TRMT1: variants seen among roughly 807,000 people sequenced by gnomAD.
TRMT1 encodes tRNA (guanine(26)-N(2))-dimethyltransferase.
Under a neutral mutation model 75.4 loss-of-function variants are expected in TRMT1, and 63 were observed. The observed-to-expected ratio is 0.84, with a 90% CI of 0.68 to 1.03. The LOEUF (loss-of-function observed/expected upper bound fraction) is 1.03, where lower values mean the gene tolerates loss of function less well. Ranked by LOEUF, TRMT1 falls within the 50% of genes least tolerant of loss-of-function variation. The pLI is 0.00. For synonymous variants in TRMT1, 382 were observed against 358.1 expected, an observed-to-expected ratio of 1.07 and a Z score of -0.75; for missense variants, 870 against 905.3, an observed-to-expected ratio of 0.96 and a Z score of 0.50.
intron 16 of TRMT1, 72 bp from the exon 17 acceptor site, chr19:13,105,153 TG>T: frequency 6.5e-7 from 1 of 1,547,676 alleles, no homozygotes; most frequent in Non-Finnish European, 8.7e-7. Context: ...TTTCCTGGGA[TG>T]GGAAGCCCAC....
chr19:13,116,513 G>T, intron 1 of TRMT1, 82 bp from the exon 2 acceptor site: 1 of 1,411,272 alleles, frequency 7.1e-7, no homozygotes, highest in Non-Finnish European at 9.4e-7. Context: ...TATCTATGAG[G>T]TAGGGACTAG....
Position 13,115,736 on chromosome 19 carries a change from C to G in TRMT1, c.343G>C (p.Val115Leu). 6.2e-7 allele frequency: 1 copy of G among 1,614,138 alleles called. No homozygotes were observed. Among genetic ancestry groups the G allele is most frequent in the Non-Finnish European group, 8.5e-7 (1 of 1,180,032 alleles). The stretch of plus-strand genomic sequence containing the variant: ...TCTTGCTCTGACAAGTCCACGACCA[C>G]TTTTTGCGTGTCCTTCTCTCCTGGA... ...KVPGEKDTQKVVVDLSEQEEE... is the reference protein window; with the variant it reads ...KVPGEKDTQKLVVDLSEQEEE... The change falls in exon 4 of 17, where the codon GTG becomes CTG. Residue 115 changes from valine to leucine, a missense_variant. Coordinates refer to ENST00000357720, the MANE Select transcript of TRMT1 (RefSeq NM_001136035.4).
At chr19:13,108,981 A>T (rs926192389) in intron 12 of TRMT1, among the ~76,000 whole-genome samples, 6 of 141,894 alleles carry the variant, frequency 4.2e-5, no homozygotes, top group African/African-American at 1.6e-4. Flanking sequence ...GAGTGGCATG[A>T]TCATAGCTCA....
At chr19:13,107,895 A>T (rs900017161) in intron 12 of TRMT1, 36 bp from the exon 13 acceptor site, 2 of 1,536,036 alleles carry the variant, frequency 1.3e-6, no homozygotes, top group African/African-American at 2.8e-5. Flanking sequence ...GAGATGCCGG[A>T]CTCCTTGACC....
rs1480940706 is a variant in TRMT1 at position 13,105,310 on chromosome 19, C to T, written c.1790G>A (p.Arg597Gln). ...AGGAAATGTCTTGAGCCGGGCAGCCCGCTGGGCCACATCTTCCGGCGGCTC... is the reference window on the plus strand; with the variant it reads ...AGGAAATGTCTTGAGCCGGGCAGCCTGCTGGGCCACATCTTCCGGCGGCTC... Reference protein sequence around the residue: ...RKEPPEDVAQRAARLKTFPCK... With the variant: ...RKEPPEDVAQQAARLKTFPCK... The change falls in exon 16 of 17, where the codon CGG (arginine) becomes CAG (glutamine). Residue 597 changes from arginine (R) to glutamine (Q), a missense_variant. Arg to Gln is a conservative substitution (Grantham distance 43). Transcript: ENST00000357720. 3.1e-6 allele frequency: 5 copies of T among 1,614,038 alleles called. No individual in the cohort carries two copies. Among genetic ancestry groups the T allele is most frequent in the East Asian group, 4.5e-5 (2 of 44,882 alleles).
At chr19:13,113,228 G>A (rs995516159) in intron 5 of TRMT1, among the ~76,000 whole-genome samples, 1 of 151,936 alleles carries the variant, frequency 6.6e-6, no homozygotes, top group Admixed American at 6.6e-5. Context: ...TTGTGATCTC[G>A]GCTCCCTGCA....
At position 13,105,529 on chromosome 19, in the gene TRMT1, T is replaced by C. The variant is rs1201168238; in HGVS notation, c.1661A>G (p.Asn554Ser). ...CCGGGGACCCCAGTTGGCCTCCGGGTTAGCCTGGAAGCGCTTGAGTCCTCG... is the reference window on the plus strand; with the variant it reads ...CCGGGGACCCCAGTTGGCCTCCGGGCTAGCCTGGAAGCGCTTGAGTCCTCG... ...RQRGLKRFQA[N>S]PEANWGPRPR... is the part of the protein sequence containing the mutation. Residue 554 changes from asparagine (N) to serine (S), a missense_variant, in exon 15 of 17, where the codon AAC becomes AGC. Coordinates refer to ENST00000357720, the MANE Select transcript of TRMT1 (RefSeq NM_001136035.4). 3.7e-6 allele frequency: 6 copies of C among 1,613,904 alleles called. No individual in the cohort carries two copies. In the South Asian group the frequency reaches 5.5e-5, roughly 15 times the overall value.
In TRMT1 at chr19:13,109,363, G is replaced by C. The variant is rs376353120; in HGVS notation, c.1397+18C>G. 1.2e-6 allele frequency: 2 copies of C among 1,611,948 alleles called. No individual in the cohort carries two copies. Among genetic ancestry groups the C allele is most frequent in the Non-Finnish European group, 8.5e-7 (1 of 1,179,870 alleles). On this transcript the variant is annotated intron_variant, in intron 12 of 16. Coordinates refer to ENST00000357720, the MANE Select transcript of TRMT1 (RefSeq NM_001136035.4). ...CTGTGGTCTGGGACAGGCTCCTCCC[G>C]ACCCCAGGGGCTCTTACCGCAACTG...
chr19:13,107,410 G>T (rs141743383), intron 14 of TRMT1, among the ~76,000 whole-genome samples, 164 bp downstream of exon 14: 1 of 152,234 alleles, frequency 6.6e-6, no homozygotes, highest in African/African-American at 2.4e-5. Flanking sequence ...AAAGTGCTGG[G>T]ATTACAGGCG....
At position 13,105,514 on chromosome 19, in the gene TRMT1, C is replaced by G. The variant is rs754609070; in HGVS notation, c.1676G>C (p.Trp559Ser). The G allele has an allele frequency of 2.5e-5, 41 of 1,613,972 alleles. No homozygotes were observed. Among genetic ancestry groups the G allele is most frequent in the Non-Finnish European group, 3.3e-5 (39 of 1,180,034 alleles). Residue 559 changes from tryptophan (W) to serine (S), a missense_variant, in exon 15 of 17, where the codon TGG (tryptophan) becomes TCG (serine). By Grantham distance (177) the Trp-to-Ser change is radical (BLOSUM62 -3). Transcript: ENST00000357720. ...KRFQANPEAN[W>S]GPRPRARPGG... ...TGGCCGGGCACGAGGCCGGGGACCCCAGTTGGCCTCCGGGTTAGCCTGGAA... is the reference window on the plus strand; with the variant it reads ...TGGCCGGGCACGAGGCCGGGGACCCGAGTTGGCCTCCGGGTTAGCCTGGAA...
intron 5 of TRMT1, among the ~76,000 whole-genome samples, chr19:13,114,866 A>G (rs1295736207): frequency 2.6e-4 from 40 of 152,104 alleles, no homozygotes; most frequent in Admixed American, 2.6e-3. Flanking sequence ...CAAGCAAACA[A>G]ACAAAAAAAG....
In TRMT1 at chr19:13,110,147, C is replaced by G; in HGVS notation, c.1019+11G>C. ...TCTCAATCCACCACCGCTCTCTGCC[C>G]CCGGGCTGACCTGGCTGAGGCCTTG... On this transcript the variant is annotated intron_variant, in intron 8 of 16. Coordinates refer to ENST00000357720, the MANE Select transcript of TRMT1 (RefSeq NM_001136035.4). 1.2e-6 allele frequency: 2 copies of G among 1,611,950 alleles called. No individual in the cohort carries two copies. Among genetic ancestry groups the G allele is most frequent in the Non-Finnish European group, 1.7e-6 (2 of 1,179,852 alleles).
In TRMT1 at chr19:13,116,149, A is replaced by G; in HGVS notation, c.251T>C (p.Leu84Pro). Residue 84 changes from leucine (L) to proline (P), a missense_variant, in exon 2 of 17, where the codon CTG (leucine) becomes CCG (proline). Physicochemically the swap from Leu to Pro is moderately conservative, Grantham distance 98 (BLOSUM62 -3). Coordinates refer to ENST00000357720, the MANE Select transcript of TRMT1 (RefSeq NM_001136035.4). ...CTAACGTCTGACCCCTGCTCACGTC[A>G]GGTCCCGATTGAATTCCTGCACCGG... ...YNPVQEFNRDLTCAVITEFAR... is the reference protein window; with the variant it reads ...YNPVQEFNRDPTCAVITEFAR... 1 of 1,614,032 alleles carries G rather than the reference A, an allele frequency of 6.2e-7. No homozygotes were observed. Among genetic ancestry groups the G allele is most frequent in the Non-Finnish European group, 8.5e-7 (1 of 1,180,010 alleles).
At chr19:13,113,679 G>A (rs532118101) in intron 5 of TRMT1, among the ~76,000 whole-genome samples, 10 of 151,910 alleles carry the variant, frequency 6.6e-5, no homozygotes, top group African/African-American at 9.7e-5. Flanking sequence ...GTGGGTTCTC[G>A]GCGCACTGCA....
At chr19:13,111,550 A>ATTT (rs35140536) in intron 7 of TRMT1, among the ~76,000 whole-genome samples, 1 of 124,540 alleles carries the variant, frequency 8.0e-6, no homozygotes, top group African/African-American at 3.1e-5. Context: ...CGCCCAGCTA[A>ATTT]TTTTTTTTTT....
Position 13,116,326 on chromosome 19 carries a change from T to G in TRMT1, c.74A>C (p.Glu25Ala). ...ATTCGGCAGCCCTGGAGACTGCCAC[T>G]CGAAAAACCGGGCTCTAGAGAGCAC... Reference protein sequence around the residue: ...ARVLSRARFFEWQSPGLPNTA... With the variant: ...ARVLSRARFFAWQSPGLPNTA... The change falls in exon 2 of 17, where the codon GAG becomes GCG. Residue 25 changes from glutamate to alanine, a missense_variant. By Grantham distance (107) the Glu-to-Ala change is moderately radical (BLOSUM62 -1). Coordinates refer to ENST00000357720, the MANE Select transcript of TRMT1 (RefSeq NM_001136035.4). 1 of 1,613,746 alleles carries G rather than the reference T, an allele frequency of 6.2e-7. No individual in the cohort carries two copies.
At chr19:13,112,143 C>A (rs1359486594) in intron 7 of TRMT1, among the ~76,000 whole-genome samples, 1 of 152,106 alleles carries the variant, frequency 6.6e-6, no homozygotes, top group African/African-American at 2.4e-5. Context: ...GTATCTGCCA[C>A]CATGCCTGGC....
At chr19:13,107,530 G>T in intron 14 of TRMT1, 44 bp downstream of exon 14, 2 of 1,563,328 alleles carry the variant, frequency 1.3e-6, no homozygotes, top group South Asian at 1.2e-5. Context: ...GTGCTTCCAT[G>T]TCTGTGGGCA....
intron 5 of TRMT1, among the ~76,000 whole-genome samples, chr19:13,113,283 C>T (rs1374659789): frequency 1.3e-5 from 2 of 152,092 alleles, no homozygotes; most frequent in Middle Eastern, 3.2e-3. Flanking sequence ...CTCAGCCTCC[C>T]GAGTAGAGTA....
Sources: allele counts gnomAD v4.1 joint callset (sites outside exome capture counted in the v4.1 genomes callset), GRCh38; gene constraint gnomAD v4.1.1; transcripts MANE v1.5; gene names NCBI Gene and HGNC (gene_info 2026-07-23, HGNC 2026-07-21).